Variants in HLX observed in about 807,000 individuals in gnomAD.
HLX encodes H2.0 like homeobox, also known as H2.0-like homeobox protein.
In HLX, 6 loss-of-function variants were observed where a neutral mutation model predicts 27.7. The observed-to-expected ratio is 0.22, with a 90% CI of 0.12 to 0.43. HLX has a LOEUF of 0.43. HLX is among the 20% of genes least tolerant of loss of function. The pLI is 1.00. For missense variants in HLX, 666 were observed against 655.2 expected (o/e 1.02, Z -0.18); for synonymous variants, 328 against 293.8 (o/e 1.12, Z -1.19).
At position 220,880,280 on chromosome 1, in the gene HLX, GC is replaced by G; in HGVS notation, c.427del (p.Arg143GlyfsTer54). 6.2e-7 allele frequency: 1 copy of G among 1,605,374 alleles called. No individual in the cohort carries two copies. Among genetic ancestry groups the G allele is most frequent in the Non-Finnish European group, 8.5e-7 (1 of 1,178,940 alleles). On this transcript the variant is annotated frameshift_variant, in exon 1 of 4. Transcript: ENST00000366903. LOFTEE classifies it high-confidence loss of function. ...CGCAGCAGCAACAGCCTCCGCCTCC[GC>G]CCCGGGCTGGCGCCCTGCAGCCCCC... ...QPQQQQPPPP[P>X]RAGALQPPAS...
At position 220,883,818 on chromosome 1, in the gene HLX, T is replaced by G. The variant is rs1419201117; in HGVS notation, c.958-377T>G. The G allele has an allele frequency of 1.4e-4, 39 of 273,300 alleles. 1 individual carries two copies. The South Asian group carries it at 2.0e-3, about 14-fold the overall frequency. The allele number at this position is 273,300 out of a possible 1,614,324, so 16.9% of individuals were successfully genotyped here. On this transcript the variant is annotated intron_variant, in intron 3 of 3. Transcript: ENST00000366903. ...TTTTCTGGGCTAGGAGTCCATAACT[T>G]TAATCAGATTCTCATGGGGGTCCTG...
chr1:220,880,800 C>A, intron 1 of HLX: 1 of 397,794 alleles, frequency 2.5e-6, no homozygotes, highest in Admixed American at 4.2e-5. Flanking sequence ...GAAACACTTT[C>A]GCACTTATCT....
intron 1 of HLX, 36 bp from the exon 2 acceptor site, chr1:220,881,158 G>T: frequency 6.3e-7 from 1 of 1,586,194 alleles, no homozygotes; most frequent in Non-Finnish European, 8.7e-7. Context: ...GAGTGTGCCC[G>T]AGATGTAACC....
At chr1:220,881,974 CTGTCGTG>C in intron 2 of HLX, 183 bp from the exon 3 acceptor site, 1 of 689,090 alleles carries the variant, frequency 1.5e-6, no homozygotes, top group Non-Finnish European at 2.7e-6. Flanking sequence ...GGTCTTCCGA[CTGTCGTG>C]TAAAATTCCT....
At position 220,885,013 on chromosome 1, in the gene HLX, T is replaced by A. The variant is rs1674539363; in HGVS notation, c.*309T>A. Reference sequence around the variant, plus strand: ...CCAGAGGTCGTGGCTCAAAGGCACTTAGGACGCCTTAAATTTGTAAATAAA... The same window carrying A: ...CCAGAGGTCGTGGCTCAAAGGCACTAAGGACGCCTTAAATTTGTAAATAAA... On this transcript the variant is annotated 3_prime_UTR_variant, in exon 4 of 4. Coordinates refer to ENST00000366903, the MANE Select transcript of HLX (RefSeq NM_021958.4). 2.2e-6 allele frequency: 1 copy of A among 445,010 alleles called. No individual in the cohort carries two copies. The highest frequency in any genetic ancestry group is 1.9e-5 in the African/African-American group (1 of 51,448). The allele number at this position is 445,010 out of a possible 1,614,324, so 27.6% of individuals were successfully genotyped here. A position where few individuals can be genotyped will look rare whatever the true frequency, so the allele number is the denominator to read the frequency against.
At position 220,884,668 on chromosome 1, in the gene HLX, C is replaced by G. The variant is rs758840363; in HGVS notation, c.1431C>G (p.Ser477Arg). ...TQPTASSAPKSPEPAQGALGC... is the reference protein window; with the variant it reads ...TQPTASSAPKRPEPAQGALGC... ...CCACAGCCAGCAGCGCTCCCAAAAGCCCCGAGCCAGCCCAAGGCGCGCTTG... is the reference window on the plus strand; with the variant it reads ...CCACAGCCAGCAGCGCTCCCAAAAGGCCCGAGCCAGCCCAAGGCGCGCTTG... The change falls in exon 4 of 4, where the codon AGC (serine) becomes AGG (arginine). Residue 477 changes from serine to arginine, a missense_variant. By Grantham distance (110) the Ser-to-Arg change is moderately radical. Transcript: ENST00000366903. This position sits in a 1 kb window ranked among gnomAD's most constrained non-coding sequence, Gnocchi z 4.9. 23 of 1,610,942 alleles carry G rather than the reference C, an allele frequency of 1.4e-5. No homozygotes were observed. In the African/African-American group the frequency reaches 2.8e-4, roughly 20 times the overall value.
At chr1:220,880,476 C>A (rs767563947) in intron 1 of HLX, 27 bp downstream of exon 1, 1 of 1,612,682 alleles carries the variant, frequency 6.2e-7, no homozygotes, top group Middle Eastern at 1.7e-4. Flanking sequence ...AGGCTGCAGG[C>A]CTCTGACCAC....
chr1:220,881,481 G>T, intron 2 of HLX, 108 bp downstream of exon 2: 1 of 937,606 alleles, frequency 1.1e-6, no homozygotes, highest in Non-Finnish European at 1.7e-6. Flanking sequence ...TCACAATTGG[G>T]GCGGGAGGCT....
chr1:220,881,023 C>T (rs1353319226), intron 1 of HLX, 171 bp from the exon 2 acceptor site: 1 of 651,462 alleles, frequency 1.5e-6, no homozygotes, highest in African/African-American at 1.8e-5. Flanking sequence ...ACTTTTCGTG[C>T]GTCGCTCCTT....
Position 220,884,648 on chromosome 1 carries a change from G to A in HLX, c.1411G>A (p.Ala471Thr). The change falls in exon 4 of 4, where the codon GCC becomes ACC. Residue 471 changes from alanine (A) to threonine (T), a missense_variant. Ala to Thr is a moderately conservative substitution (Grantham distance 58). Transcript: ENST00000366903. This position sits in a 1 kb window ranked among gnomAD's most constrained non-coding sequence, Gnocchi z 4.9. Reference sequence around the variant, plus strand: ...GCTTCTCCCTGCAACACAGCCCACAGCCAGCAGCGCTCCCAAAAGCCCCGA... The same window carrying A: ...GCTTCTCCCTGCAACACAGCCCACAACCAGCAGCGCTCCCAAAAGCCCCGA... ...SELLPATQPT[A>T]SSAPKSPEPA... 1 of 1,610,870 alleles carries A rather than the reference G, an allele frequency of 6.2e-7. No individual in the cohort carries two copies. The highest frequency in any genetic ancestry group is 8.5e-7 in the Non-Finnish European group (1 of 1,179,318).
Position 220,884,735 on chromosome 1 carries a change from T to TG in HLX, c.*32dup. ...ACTAGGGCGGAGGGGATCCGGGCCTTGCGTGCAGCCTCCCAACCATGGGCT... is the reference window on the plus strand; with the variant it reads ...ACTAGGGCGGAGGGGATCCGGGCCTTGGCGTGCAGCCTCCCAACCATGGGCT... On this transcript the variant is annotated 3_prime_UTR_variant, in exon 4 of 4. Transcript: ENST00000366903. The surrounding 1 kb of genome is among the most constrained non-coding windows in gnomAD (Gnocchi z 4.9). 1 of 1,599,798 alleles carries TG rather than the reference T, an allele frequency of 6.3e-7. No individual in the cohort carries two copies. The highest frequency in any genetic ancestry group is 8.5e-7 in the Non-Finnish European group (1 of 1,177,780).
rs909099196 is a variant in HLX at position 220,879,954 on chromosome 1, C to T, written c.97C>T (p.Pro33Ser). The change falls in exon 1 of 4, where the codon CCC (proline) becomes TCC (serine). Residue 33 changes from proline to serine, a missense_variant. Pro to Ser is a moderately conservative substitution (Grantham distance 74, BLOSUM62 -1). Transcript: ENST00000366903. The stretch of plus-strand genomic sequence containing the variant: ...GGCCGGCCCAGGCGGCTGCTCCTTC[C>T]CCTTGGACCCCGCCGCCGTCAAAAA... Reference protein sequence around the residue: ...SSAGPGGCSFPLDPAAVKKPS... With the variant: ...SSAGPGGCSFSLDPAAVKKPS... 1.3e-6 allele frequency: 2 copies of T among 1,598,720 alleles called. No homozygotes were observed. Among genetic ancestry groups the T allele is most frequent in the Non-Finnish European group, 8.5e-7 (1 of 1,178,886 alleles).
At position 220,880,456 on chromosome 1, in the gene HLX, C is replaced by A; in HGVS notation, c.592+7C>A. 1 of 1,613,326 alleles carries A rather than the reference C, an allele frequency of 6.2e-7. No individual in the cohort carries two copies. Among genetic ancestry groups the A allele is most frequent in the South Asian group, 1.1e-5 (1 of 91,080 alleles). ...GAAGGCAACACGCTGAGAGGTAGGT[C>A]TTGGGCGGGAGGCTGCAGGCCTCTG... On this transcript the variant is annotated splice_region_variant and intron_variant, in intron 1 of 3. Coordinates refer to ENST00000366903, the MANE Select transcript of HLX (RefSeq NM_021958.4).
In HLX at chr1:220,879,702, A is replaced by C; in HGVS notation, c.-156A>C. On this transcript the variant is annotated 5_prime_UTR_variant, in exon 1 of 4. Coordinates refer to ENST00000366903, the MANE Select transcript of HLX (RefSeq NM_021958.4). ...CCTCGCCTCCTCCCTCGGTGGCGCT[A>C]GGGCTCCCGGCCTCTCTTCCTCAGT... 8.5e-7 allele frequency: 1 copy of C among 1,171,502 alleles called. No individual in the cohort carries two copies. Among genetic ancestry groups the C allele is most frequent in the Non-Finnish European group, 1.1e-6 (1 of 881,998 alleles). The allele number at this position is 1,171,502 out of a possible 1,614,324, so 72.6% of individuals were successfully genotyped here. A position where few individuals can be genotyped will look rare whatever the true frequency, so the allele number is the denominator to read the frequency against.
chr1:220,882,184 A>G lies in HLX; in HGVS notation c.793A>G (p.Lys265Glu). 1 of 1,614,104 alleles carries G rather than the reference A, an allele frequency of 6.2e-7. No individual in the cohort carries two copies. Among genetic ancestry groups the G allele is most frequent in the Non-Finnish European group, 8.5e-7 (1 of 1,180,000 alleles). The change falls in exon 3 of 4, where the codon AAG becomes GAG. Residue 265 changes from lysine to glutamate, a missense_variant. Coordinates refer to ENST00000366903, the MANE Select transcript of HLX (RefSeq NM_021958.4). ...GGCAGGTCCCTATGCTGTGCTCACG[A>G]AGGACACCATGCCGCAGACGTACAA... ...TFPGPYAVLT[K>E]DTMPQTYKRK...
At position 220,882,273 on chromosome 1, in the gene HLX, G is replaced by T. The variant is rs747925308; in HGVS notation, c.882G>T (p.Arg294Ser). The T allele has an allele frequency of 1.7e-5, 27 of 1,614,266 alleles. No homozygotes were observed. The highest frequency in any genetic ancestry group is 2.3e-5 in the Non-Finnish European group (27 of 1,180,046). ...SNLQRKGLEK[R>S]FEIQKYVTKP... is the part of the protein sequence containing the mutation. ...TGCAGAGGAAAGGCCTGGAGAAAAG[G>T]TTTGAGATTCAGAAGTACGTGACCA... Residue 294 changes from arginine (R) to serine (S), a missense_variant, in exon 3 of 4, where the codon AGG (arginine) becomes AGT (serine). Transcript: ENST00000366903.
intron 3 of HLX, chr1:220,882,674 G>C (rs751015924): frequency 6.6e-6 from 2 of 303,800 alleles, no homozygotes; most frequent in Non-Finnish European, 1.3e-5. Context: ...CAACTGTAGT[G>C]CAATTCGCTG....
chr1:220,879,805 C>G lies in HLX; in HGVS notation c.-53C>G, dbSNP rs2102640816. On this transcript the variant is annotated 5_prime_UTR_variant, in exon 1 of 4. Transcript: ENST00000366903. The stretch of plus-strand genomic sequence containing the variant: ...GACTCGCGCGCCCCTCCCCGCGCGC[C>G]CACCCACCCAGTCCGGCTGGACTGC... 6.7e-7 allele frequency: 1 copy of G among 1,495,978 alleles called. No homozygotes were observed. Among genetic ancestry groups the G allele is most frequent in the East Asian group, 2.6e-5 (1 of 38,666 alleles). 92.7% of individuals were successfully genotyped at this position (1,495,978 alleles called of 1,614,324 possible). A position where few individuals can be genotyped will look rare whatever the true frequency, so the allele number is the denominator to read the frequency against.
chr1:220,880,061 G>T lies in HLX; in HGVS notation c.204G>T (p.Ser68=). Residue 68 remains serine (S), a synonymous_variant, in exon 1 of 4, where the codon TCG becomes TCT. Transcript: ENST00000366903. ...GAAPEGLAGA[S]AAALTAHLGS... ...CCCCGGAGGGCCTGGCAGGGGCCTC[G>T]GCCGCCGCCCTCACCGCGCACTTGG... The T allele has an allele frequency of 6.3e-7, 1 of 1,588,604 alleles. No individual in the cohort carries two copies.
Sources: gnomAD v4.1 joint callset for allele counts on GRCh38, gnomAD v4.1.1 for gene constraint, Gnocchi (gnomAD v3.1) non-coding constraint, MANE v1.5 for transcripts, NCBI Gene and HGNC (gene_info 2026-07-23, HGNC 2026-07-21) for gene names.